The following INTS13 variants were observed in gnomAD, a reference collection of about 807,000 sequenced individuals.
INTS13 encodes asunder, spermatogenesis regulator homolog (Drosphila).
Under a neutral mutation model 90.2 loss-of-function variants are expected in INTS13, and 35 were observed. The ratio of observed to expected loss-of-function variants is 0.39; its 90% confidence interval spans 0.30 to 0.51. The LOEUF (loss-of-function observed/expected upper bound fraction) is 0.51. Among genes scored for constraint, INTS13 ranks in the 20% least tolerant of loss-of-function variants. The pLI is 0.80. For synonymous variants in INTS13, 309 were observed against 277.1 expected, an observed-to-expected ratio of 1.11 and a Z score of -1.14; for missense variants, 601 against 851.2, an observed-to-expected ratio of 0.71 and a Z score of 3.66.
In INTS13 at chr12:26,936,519, T is replaced by C. The variant is rs1044411176; in HGVS notation, c.225+60A>G. 2.4e-6 allele frequency: 3 copies of C among 1,240,292 alleles called. No individual in the cohort carries two copies. In the African/African-American group the frequency reaches 4.5e-5, roughly 19 times the overall value. 76.8% of individuals were successfully genotyped at this position (1,240,292 alleles called of 1,614,324 possible). A position where few individuals can be genotyped will look rare whatever the true frequency, so the allele number is the denominator to read the frequency against. On this transcript the variant is annotated intron_variant, in intron 2 of 16. Transcript: ENST00000261191. The stretch of plus-strand genomic sequence containing the variant: ...TATCTATAGCAAATTCATATAAAAA[T>C]TCATTTATGCAGTTAAGTACATCCC...
At chr12:26,927,357 G>A (rs1937934254) in intron 5 of INTS13, among the ~76,000 whole-genome samples, 1 of 152,196 alleles carries the variant, frequency 6.6e-6, no homozygotes. Flanking sequence ...TCCAAGGATT[G>A]TCATAATTGA....
Position 26,913,617 on chromosome 12 carries a change from T to C in INTS13, c.1645A>G (p.Lys549Glu). The C allele has an allele frequency of 6.2e-7, 1 of 1,614,180 alleles. No individual in the cohort carries two copies. The highest frequency in any genetic ancestry group is 8.5e-7 in the Non-Finnish European group (1 of 1,180,030). Reference sequence around the variant, plus strand: ...AGACATTCCAAGACTCTTTGATGTTTCTCTGAGTTGTTGATATGGGCTCTG... The same window carrying C: ...AGACATTCCAAGACTCTTTGATGTTCCTCTGAGTTGTTGATATGGGCTCTG... The part of the protein sequence containing the change: ...LVRAHINNSE[K>E]HQRVLECLMA... The change falls in exon 14 of 17, where the codon AAA becomes GAA. Residue 549 changes from lysine (K) to glutamate (E), a missense_variant. Coordinates refer to ENST00000261191, the MANE Select transcript of INTS13 (RefSeq NM_018164.3).
intron 8 of INTS13, among the ~76,000 whole-genome samples, chr12:26,919,444 A>G (rs1429233872): frequency 4.6e-5 from 7 of 152,176 alleles, no homozygotes; most frequent in Admixed American, 4.6e-4. Context: ...TAAGGTCATG[A>G]GAACATGGTC....
At chr12:26,913,849 T>C in intron 13 of INTS13, 125 bp downstream of exon 13, 1 of 1,149,630 alleles carries the variant, frequency 8.7e-7, no homozygotes, top group Non-Finnish European at 1.2e-6. Flanking sequence ...TTTTGTATTA[T>C]TTCATCTCAA....
intron 5 of INTS13, 140 bp from the exon 6 acceptor site, chr12:26,925,991 T>C: frequency 1.7e-6 from 1 of 578,944 alleles, no homozygotes; most frequent in Non-Finnish European, 3.0e-6. Flanking sequence ...AAGCTAAATA[T>C]TAGAAAGGCA....
chr12:26,923,083 T>G (rs560600905), intron 7 of INTS13, among the ~76,000 whole-genome samples: 1 of 152,024 alleles, frequency 6.6e-6, no homozygotes, highest in Non-Finnish European at 1.5e-5. Flanking sequence ...AAAGAGGAAA[T>G]AGCATCTTTA....
chr12:26,914,749 C>G (rs1461311387), intron 11 of INTS13, among the ~76,000 whole-genome samples, 171 bp from the exon 12 acceptor site: 1 of 152,168 alleles, frequency 6.6e-6, no homozygotes, highest in African/African-American at 2.4e-5. Context: ...GAACTTGAAA[C>G]CTATCAGCCT....
chr12:26,905,658 G>A (rs1951587690), intron 16 of INTS13, 122 bp from the exon 17 acceptor site: 2 of 965,182 alleles, frequency 2.1e-6, no homozygotes, highest in South Asian at 3.4e-5. Flanking sequence ...CAGCATTTTA[G>A]GAAAGGACTA....
At chr12:26,916,915 T>C (rs566445740) in intron 10 of INTS13, among the ~76,000 whole-genome samples, 1 of 152,316 alleles carries the variant, frequency 6.6e-6, no homozygotes, top group Admixed American at 6.5e-5. Context: ...CATGTTCAAA[T>C]ATAAGTAAGT....
intron 8 of INTS13, among the ~76,000 whole-genome samples, chr12:26,920,015 C>G (rs554506319): frequency 9.9e-5 from 15 of 152,046 alleles, no homozygotes; most frequent in African/African-American, 3.4e-4. Flanking sequence ...GTAGTCCCAA[C>G]TACTCGGGAG....
rs74072633 is a variant in INTS13 at position 26,906,261 on chromosome 12, G to T, written c.2081+41C>A. On this transcript the variant is annotated intron_variant, in intron 16 of 16. Transcript: ENST00000261191. ...GCAATGATTGTTAAGGTACTATACA[G>T]GCAATTGACAAAACCAATTTTGACA... The T allele has an allele frequency of 3.2e-6, 5 of 1,557,908 alleles. No individual in the cohort carries two copies. In the African/African-American group the frequency reaches 5.5e-5, roughly 17 times the overall value.
Position 26,936,864 on chromosome 12 carries a change from A to AT in INTS13, c.-11-51dup, listed in dbSNP as rs1415819816. 7.5e-6 allele frequency: 9 copies of AT among 1,192,806 alleles called. No individual in the cohort carries two copies. In the Admixed American group the frequency reaches 1.5e-4, roughly 20 times the overall value. The allele number at this position is 1,192,806 out of a possible 1,614,324, so 73.9% of individuals were successfully genotyped here. On this transcript the variant is annotated intron_variant, in intron 1 of 16. Coordinates refer to ENST00000261191, the MANE Select transcript of INTS13 (RefSeq NM_018164.3). ...CAAATATTTGTACATAACATCTTAC[A>AT]TTTTTTCTAATTTTCTCAAGAAGAT... is the stretch of plus-strand genomic sequence containing the variant.
chr12:26,933,388 A>G (rs1167600974), intron 3 of INTS13, among the ~76,000 whole-genome samples: 1 of 152,210 alleles, frequency 6.6e-6, no homozygotes, highest in Non-Finnish European at 1.5e-5. Flanking sequence ...AAGGCACACC[A>G]CTGAGATTCT....
chr12:26,926,071 ATAAT>A (rs1158191472), intron 5 of INTS13, among the ~76,000 whole-genome samples: 2 of 152,196 alleles, frequency 1.3e-5, no homozygotes, highest in African/African-American at 4.8e-5. Context: ...GCAAAAAATA[ATAAT>A]TGTGAGTGTC....
chr12:26,920,034 A>C (rs1337152951), intron 8 of INTS13, among the ~76,000 whole-genome samples: 1 of 151,940 alleles, frequency 6.6e-6, no homozygotes, highest in East Asian at 1.9e-4. Flanking sequence ...AGGCTGAGGC[A>C]GGAAAATGGC....
chr12:26,907,362 A>G (rs1412799692), intron 15 of INTS13, among the ~76,000 whole-genome samples: 1 of 152,230 alleles, frequency 6.6e-6, no homozygotes, highest in East Asian at 1.9e-4. Context: ...TGAAGAAAGG[A>G]TAGTCTTTTC....
intron 6 of INTS13, among the ~76,000 whole-genome samples, chr12:26,924,737 G>A (rs1246967575): frequency 6.6e-6 from 1 of 152,102 alleles, no homozygotes; most frequent in Non-Finnish European, 1.5e-5. Context: ...GCAGTGAACA[G>A]ACATAATCCC....
In INTS13 at chr12:26,934,547, T is replaced by C; in HGVS notation, c.300+9A>G. The stretch of plus-strand genomic sequence containing the variant: ...TTACAAATGGCCACAGCTCAAAATC[T>C]AACCATACCTCCTGTAAATTTTGGT... On this transcript the variant is annotated intron_variant, in intron 3 of 16. Transcript: ENST00000261191. 1 of 1,595,270 alleles carries C rather than the reference T, an allele frequency of 6.3e-7. No homozygotes were observed. Among genetic ancestry groups the C allele is most frequent in the Non-Finnish European group, 8.6e-7 (1 of 1,163,662 alleles).
In INTS13 at chr12:26,911,286, C is replaced by G. The variant is rs1459850838; in HGVS notation, c.1837G>C (p.Glu613Gln). 1 of 1,613,444 alleles carries G rather than the reference C, an allele frequency of 6.2e-7. No individual in the cohort carries two copies. Among genetic ancestry groups the G allele is most frequent in the Admixed American group, 1.7e-5 (1 of 59,898 alleles). The change falls in exon 15 of 17, where the codon GAA becomes CAA. Residue 613 changes from glutamate (E) to glutamine (Q), a missense_variant. Glu to Gln is a conservative substitution (Grantham distance 29). This residue lies in a region of INTS13 where 228 missense variants were observed against 272.5 expected (regional missense o/e 0.84). Coordinates refer to ENST00000261191, the MANE Select transcript of INTS13 (RefSeq NM_018164.3). Reference protein sequence around the residue: ...LKGILERGKEELAEAEIIKDS... With the variant: ...LKGILERGKEQLAEAEIIKDS... ...TTTATAATCTCAGCTTCAGCCAATT[C>G]TTCTTTTCCACGCTCTAAGATTCCT...
Sources: allele counts gnomAD v4.1 joint callset (sites outside exome capture counted in the v4.1 genomes callset), GRCh38; gene constraint gnomAD v4.1.1; regional missense constraint gnomAD v4.1.1; transcripts MANE v1.5; gene names NCBI Gene and HGNC (gene_info 2026-07-23, HGNC 2026-07-21).